Variants in CD63 observed in about 807,000 individuals in gnomAD.
CD63 encodes the protein CD63 molecule, also known as CD63 antigen.
Under a neutral mutation model 29.2 loss-of-function variants are expected in CD63, and 16 were observed. The ratio of observed to expected loss-of-function variants is 0.55; its 90% CI spans 0.37 to 0.83. The LOEUF is 0.83. Among genes scored for constraint, CD63 ranks in the 40% least tolerant of loss-of-function variants. CD63 has a pLI of 0.00. For synonymous variants in CD63, 118 were observed against 111.7 expected (o/e 1.06, Z -0.36); for missense variants, 251 against 297.3 (o/e 0.84, Z 1.15).
Position 55,725,332 on chromosome 12 carries a change from T to A in CD63, c.*229A>T. 1 of 570,832 alleles carries A rather than the reference T, an allele frequency of 1.8e-6. No individual in the cohort carries two copies. The highest frequency in any genetic ancestry group is 3.1e-6 in the Non-Finnish European group (1 of 319,842). The allele number at this position is 570,832 out of a possible 1,614,324, so 35.4% of individuals were successfully genotyped here. On this transcript the variant is annotated 3_prime_UTR_variant, in exon 8 of 8. Transcript: ENST00000257857. ...TCCCACTGCCTGCCCAACCAACACCTTCGCAAAGTCCTCCTTTCCCAAACA... is the reference window on the plus strand; with the variant it reads ...TCCCACTGCCTGCCCAACCAACACCATCGCAAAGTCCTCCTTTCCCAAACA...
downstream of CD63, chr12:55,723,695 C>G: frequency 3.1e-6 from 2 of 640,828 alleles, no homozygotes. Flanking sequence ...TGCTCTAGAT[C>G]AAAGAAAACA....
At position 55,725,870 on chromosome 12, in the gene CD63, C is replaced by G. The variant is rs776427426; in HGVS notation, c.594G>C (p.Trp198Cys). ...CTACCACCAGCACATTTTTCCTCAG[C>G]CAGCCCCCAATCTTCTCCACACAGC... is the stretch of plus-strand genomic sequence containing the variant. ...KEGCVEKIGGWLRKNVLVVAA... is the reference protein window; with the variant it reads ...KEGCVEKIGGCLRKNVLVVAA... The change falls in exon 7 of 8, where the codon TGG becomes TGC. Residue 198 changes from tryptophan to cysteine, a missense_variant. By Grantham distance (215) the Trp-to-Cys change is radical. Transcript: ENST00000257857. 1 of 1,614,122 alleles carries G rather than the reference C, an allele frequency of 6.2e-7. No individual in the cohort carries two copies. The highest frequency in any genetic ancestry group is 8.5e-7 in the Non-Finnish European group (1 of 1,180,026).
At position 55,728,586 on chromosome 12, in the gene CD63, A is replaced by G; in HGVS notation, c.-11-234T>C. 2.2e-6 allele frequency: 3 copies of G among 1,387,628 alleles called. No homozygotes were observed. Among genetic ancestry groups the G allele is most frequent in the East Asian group, 5.5e-5 (2 of 36,070 alleles). 86.0% of individuals were successfully genotyped at this position (1,387,628 alleles called of 1,614,324 possible). A position where few individuals can be genotyped will look rare whatever the true frequency, so the allele number is the denominator to read the frequency against. On this transcript the variant is annotated intron_variant, in intron 1 of 7. Transcript: ENST00000257857. The surrounding 1 kb of genome is among the most constrained non-coding windows in gnomAD (Gnocchi z 4.8). ...CCCCGCCGCCTCTGGGGCCCAGGAC[A>G]GATCCAAGGGCGCCGGCAGGGGCTT...
At chr12:55,727,875 G>A in intron 2 of CD63, 1 of 1,078,914 alleles carries the variant, frequency 9.3e-7, no homozygotes, top group Middle Eastern at 4.1e-4. Context: ...CCCAAGCGCT[G>A]GGAGGAGGGA....
chr12:55,728,577 G>A lies in CD63; in HGVS notation c.-11-225C>T. 1 of 1,404,594 alleles carries A rather than the reference G, an allele frequency of 7.1e-7. No homozygotes were observed. Among genetic ancestry groups the A allele is most frequent in the Non-Finnish European group, 9.2e-7 (1 of 1,081,468 alleles). 87.0% of individuals were successfully genotyped at this position (1,404,594 alleles called of 1,614,324 possible). A position where few individuals can be genotyped will look rare whatever the true frequency, so the allele number is the denominator to read the frequency against. On this transcript the variant is annotated intron_variant, in intron 1 of 7. Transcript: ENST00000257857. This position sits in a 1 kb window ranked among gnomAD's most constrained non-coding sequence, Gnocchi z 4.8. ...CGGACCCCGCCCCGCCGCCTCTGGGGCCCAGGACAGATCCAAGGGCGCCGG... is the reference window on the plus strand; with the variant it reads ...CGGACCCCGCCCCGCCGCCTCTGGGACCCAGGACAGATCCAAGGGCGCCGG...
At chr12:55,724,558 A>G (rs745902946), downstream of CD63, 3 of 1,606,274 alleles carry the variant, frequency 1.9e-6, no homozygotes, top group Non-Finnish European at 1.7e-6. Flanking sequence ...CCAGCCTTCC[A>G]GCAAGAGATT....
chr12:55,726,283 GAGA>G (rs763837112), intron 5 of CD63, 22 bp from the exon 6 acceptor site: 84 of 1,601,876 alleles, frequency 5.2e-5, no homozygotes, highest in Non-Finnish European at 6.9e-5. Flanking sequence ...AAGAAATATG[GAGA>G]AGAAGGTTGT....
intron 2 of CD63, 28 bp from the exon 3 acceptor site, chr12:55,727,367 C>T (rs1877523431): frequency 5.6e-6 from 9 of 1,597,078 alleles, no homozygotes; most frequent in Non-Finnish European, 7.7e-6. Context: ...GAGGATTAGG[C>T]CATATCCACA....
In CD63 at chr12:55,728,824, A is replaced by G; in HGVS notation, c.-12+129T>C. ...GCCCGGGCCCAGGGAACTTCGAAGCAAAGTTGCTCCAGGGCGGCTGGAGAG... is the reference window on the plus strand; with the variant it reads ...GCCCGGGCCCAGGGAACTTCGAAGCGAAGTTGCTCCAGGGCGGCTGGAGAG... On this transcript the variant is annotated intron_variant, in intron 1 of 7. Transcript: ENST00000257857. This position sits in a 1 kb window ranked among gnomAD's most constrained non-coding sequence, Gnocchi z 4.8. The G allele has an allele frequency of 1.0e-6, 1 of 991,944 alleles. No individual in the cohort carries two copies. The highest frequency in any genetic ancestry group is 1.2e-6 in the Non-Finnish European group (1 of 834,356). 61.4% of individuals were successfully genotyped at this position (991,944 alleles called of 1,614,324 possible). A position where few individuals can be genotyped will look rare whatever the true frequency, so the allele number is the denominator to read the frequency against.
At chr12:55,724,411 C>G, downstream of CD63, 4 of 1,614,190 alleles carry the variant, frequency 2.5e-6, no homozygotes, top group Non-Finnish European at 3.4e-6. Flanking sequence ...CCTGACTGCT[C>G]GACACCCCCG....
At chr12:55,724,379 TGAGCC>T (rs1160697149), downstream of CD63, 1 of 1,614,030 alleles carries the variant, frequency 6.2e-7, no homozygotes, top group Non-Finnish European at 8.5e-7. Flanking sequence ...CTAACCAAGG[TGAGCC>T]GATGCCTGGA....
At position 55,726,890 on chromosome 12, in the gene CD63, C is replaced by T. The variant is rs1386406503; in HGVS notation, c.330G>A (p.Lys110=). The T allele has an allele frequency of 3.1e-6, 5 of 1,614,012 alleles. No individual in the cohort carries two copies. Among genetic ancestry groups the T allele is most frequent in the African/African-American group, 1.3e-5 (1 of 75,058 alleles). Residue 110 remains lysine, a splice_region_variant and synonymous_variant, in exon 4 of 8, where the codon AAG becomes AAA. Coordinates refer to ENST00000257857, the MANE Select transcript of CD63 (RefSeq NM_001780.6). ...GCCCTTCCCATTATTCCCTGCTTACCTTATCTCTAAACACATAGCCAGCAA... is the reference window on the plus strand; with the variant it reads ...GCCCTTCCCATTATTCCCTGCTTACTTTATCTCTAAACACATAGCCAGCAA... The part of the protein sequence containing the change: ...AAIAGYVFRD[K]VMSEFNNNFR...
At chr12:55,723,930 C>T, downstream of CD63, 1 of 1,614,138 alleles carries the variant, frequency 6.2e-7, no homozygotes, top group Non-Finnish European at 8.5e-7. Context: ...ATCGTGGAGC[C>T]TGGCTTCTTC....
chr12:55,728,450 C>T lies in CD63; in HGVS notation c.-11-98G>A. On this transcript the variant is annotated intron_variant, in intron 1 of 7. Coordinates refer to ENST00000257857, the MANE Select transcript of CD63 (RefSeq NM_001780.6). The surrounding 1 kb of genome is among the most constrained non-coding windows in gnomAD (Gnocchi z 4.8). ...CCCTCGAGGGCTTCCCTTCACGGCCCCGATTCCCGGCCCCTCCCACCCGGA... is the reference window on the plus strand; with the variant it reads ...CCCTCGAGGGCTTCCCTTCACGGCCTCGATTCCCGGCCCCTCCCACCCGGA... 6.6e-7 allele frequency: 1 copy of T among 1,520,408 alleles called. No homozygotes were observed. The highest frequency in any genetic ancestry group is 2.0e-5 in the Admixed American group (1 of 49,540). The allele number at this position is 1,520,408 out of a possible 1,614,324, so 94.2% of individuals were successfully genotyped here.
At chr12:55,727,078 C>T (rs1877475975) in intron 3 of CD63, 73 bp downstream of exon 3, 1 of 1,570,282 alleles carries the variant, frequency 6.4e-7, no homozygotes, top group South Asian at 1.1e-5. Context: ...CCCACCTCAC[C>T]CACCTTCCTG....
chr12:55,724,494 G>A (rs762686749), downstream of CD63: 13 of 1,613,436 alleles, frequency 8.1e-6, no homozygotes, highest in Non-Finnish European at 1.0e-5. Context: ...CCAGCCTGGT[G>A]GATGCTGTGC....
intron 3 of CD63, 51 bp from the exon 4 acceptor site, chr12:55,727,015 G>T (rs369287045): frequency 8.2e-6 from 13 of 1,585,008 alleles, no homozygotes; most frequent in Non-Finnish European, 1.0e-5. Context: ...CATTACAGGG[G>T]CCCGTTTTGG....
At chr12:55,727,818 G>GA (rs1877583606) in intron 2 of CD63, 1 of 1,036,944 alleles carries the variant, frequency 9.6e-7, no homozygotes, top group African/African-American at 1.7e-5. Flanking sequence ...CTCAAGCCAG[G>GA]AGCCCAGGGC....
chr12:55,724,071 G>A, downstream of CD63: 7 of 1,603,016 alleles, frequency 4.4e-6, no homozygotes, highest in Non-Finnish European at 5.9e-6. Context: ...GGCCCACACA[G>A]GGGCACATGA....
Sources: gnomAD v4.1 joint callset for allele counts on GRCh38, gnomAD v4.1.1 for gene constraint, Gnocchi (gnomAD v3.1) non-coding constraint, MANE v1.5 for transcripts, NCBI Gene and HGNC (gene_info 2026-07-23, HGNC 2026-07-21) for gene names.